CLEC18A: variants seen among roughly 807,000 people sequenced by gnomAD.
CLEC18A encodes the protein mannose receptor-like 1.
A neutral mutation model predicts 24.0 loss-of-function variants in CLEC18A; 5 were observed. That is an observed-to-expected ratio of 0.21 (90% confidence interval 0.11 to 0.44). The LOEUF (loss-of-function observed/expected upper bound fraction) is 0.44. Ranked by LOEUF, CLEC18A falls within the 20% of genes least tolerant of loss-of-function variation. The pLI is 0.99. For synonymous variants in CLEC18A, 29 were observed against 100.1 expected (o/e 0.29, Z 4.24); for missense variants, 83 against 233.4 (o/e 0.36, Z 4.20).
chr16:69,952,614 GTCCACATTT>G (rs1567457987), intron 2 of CLEC18A: 1 of 151,514 alleles, frequency 6.6e-6, no homozygotes, highest in African/African-American at 2.4e-5. Flanking sequence ...TCACTCACTC[GTCCACATTT>G]TCCACATTTT....
downstream of CLEC18A, among the ~76,000 whole-genome samples, chr16:69,966,221 G>A (rs1435164794): frequency 6.7e-6 from 1 of 150,076 alleles, no homozygotes; most frequent in Non-Finnish European, 1.5e-5. Context: ...GGGGAGTGAG[G>A]AAGGGCAGTG....
intron 2 of CLEC18A, chr16:69,953,910 C>T: frequency 3.2e-6 from 1 of 311,782 alleles, no homozygotes; most frequent in Non-Finnish European, 6.2e-6. Context: ...GAGACTAGGG[C>T]AGAGAGGCGT....
At chr16:69,944,708 T>C in the CLEC18A span, among the ~76,000 whole-genome samples, 110,358 of 137,648 alleles carry the variant, frequency 0.8, 44,818 homozygotes, top group East Asian at 0.96. Flanking sequence ...TGGTGGTGGG[T>C]GCCTGTAGTC....
chr16:69,954,408 G>A lies in CLEC18A; in HGVS notation c.291G>A (p.Ala97=), dbSNP rs746619779. 2.8e-5 allele frequency: 45 copies of A among 1,610,332 alleles called. No homozygotes were observed. Among genetic ancestry groups the A allele is most frequent in the Non-Finnish European group, 3.4e-5 (40 of 1,178,620 alleles). ...GTGGAACCCCAACCCCGAGCCTGGC[G>A]TCCGGCCTGTGGCGCACCCTGCAAG... The part of the protein sequence containing the change: ...ALCGTPTPSL[A]SGLWRTLQVG... Residue 97 remains alanine, a synonymous_variant, in exon 3 of 12, where the codon GCG becomes GCA. Coordinates refer to ENST00000288040, the MANE Select transcript of CLEC18A (RefSeq NM_001370523.4).
At chr16:69,955,212 A>ACCATGTT (rs1194930488) in intron 3 of CLEC18A, among the ~76,000 whole-genome samples, 1 of 151,714 alleles carries the variant, frequency 6.6e-6, no homozygotes, top group East Asian at 1.9e-4. Flanking sequence ...CATGTTGGTC[A>ACCATGTT]GGCTGGTCTC....
At chr16:69,953,222 G>A (rs2058979916) in intron 2 of CLEC18A, 1 of 152,416 alleles carries the variant, frequency 6.6e-6, no homozygotes, top group Admixed American at 6.5e-5. Flanking sequence ...CCCCTCTTTG[G>A]ACACAGTGGA....
At chr16:69,964,278 G>A (rs1362802644), downstream of CLEC18A, 3 of 147,810 alleles carry the variant, frequency 2.0e-5, no homozygotes, top group African/African-American at 2.5e-5. Flanking sequence ...CCCACCGGCG[G>A]AGTGTCATCG....
chr16:69,948,497 C>A (rs1323008559), upstream of CLEC18A, among the ~76,000 whole-genome samples: 1 of 151,722 alleles, frequency 6.6e-6, no homozygotes, highest in East Asian at 1.9e-4. Flanking sequence ...CAAATGCAGA[C>A]TGGGAGAAGA....
At position 69,952,293 on chromosome 16, in the gene CLEC18A, G is replaced by T. The variant is rs2058963576; in HGVS notation, c.216+167G>T. On this transcript the variant is annotated intron_variant, in intron 2 of 11. Transcript: ENST00000288040. ...AGGGACGGAGGCCCTGGTTGCTGGG[G>T]GTCTCTGCAATTTCTTAACCCCCCA... 1.4e-5 allele frequency: 4 copies of T among 289,764 alleles called. 1 individual carries two copies. The highest frequency in any genetic ancestry group is 2.1e-5 in the Non-Finnish European group (4 of 187,556). The allele number at this position is 289,764 out of a possible 1,614,324, so 17.9% of individuals were successfully genotyped here. A position where few individuals can be genotyped will look rare whatever the true frequency, so the allele number is the denominator to read the frequency against.
intron 3 of CLEC18A, among the ~76,000 whole-genome samples, chr16:69,955,671 G>A (rs1448410893): frequency 4.8e-5 from 7 of 144,646 alleles, no homozygotes; most frequent in Non-Finnish European, 7.5e-5. Context: ...AATTTAAAAC[G>A]GCCCCACTCT....
upstream of CLEC18A, among the ~76,000 whole-genome samples, chr16:69,948,458 A>C (rs1246647491): frequency 2.0e-5 from 3 of 151,522 alleles, no homozygotes; most frequent in Admixed American, 6.6e-5. Context: ...CTTCAGGAAG[A>C]GATAAAATGA....
chr16:69,954,779 C>T (rs1184251845), intron 3 of CLEC18A, among the ~76,000 whole-genome samples: 1 of 152,010 alleles, frequency 6.6e-6, no homozygotes, highest in Non-Finnish European at 1.5e-5. Flanking sequence ...CTCACTGCAA[C>T]CTCCGCCTCC....
downstream of CLEC18A, among the ~76,000 whole-genome samples, chr16:69,966,413 C>T (rs1456803417): frequency 3.3e-4 from 43 of 131,360 alleles, 5 homozygotes; most frequent in Non-Finnish European, 3.5e-4. Context: ...CCGGCACAAG[C>T]AGTAAAGAAG....
At chr16:69,965,361 C>G (rs1043032929), downstream of CLEC18A, among the ~76,000 whole-genome samples, 1 of 152,058 alleles carries the variant, frequency 6.6e-6, no homozygotes. Context: ...CCCGGGTCAG[C>G]CAGCAGCCGC....
chr16:69,964,149 A>G (rs556341037), downstream of CLEC18A: 86 of 136,022 alleles, frequency 6.3e-4, no homozygotes, highest in Non-Finnish European at 1.1e-3. Flanking sequence ...GGTCTCCCCA[A>G]GAAGAGGAAG....
At chr16:69,955,283 G>A (rs1343361579) in intron 3 of CLEC18A, among the ~76,000 whole-genome samples, 25 of 151,768 alleles carry the variant, frequency 1.6e-4, no homozygotes, top group Admixed American at 3.9e-4. Context: ...GATTACAGGC[G>A]TGAGCCACCA....
At chr16:69,965,008 C>G (rs1293515548), downstream of CLEC18A, among the ~76,000 whole-genome samples, 2 of 151,806 alleles carry the variant, frequency 1.3e-5, no homozygotes, top group African/African-American at 4.9e-5. Context: ...CACCATGTTG[C>G]TCAGGCTGGT....
At chr16:69,955,725 T>C (rs2059025355) in intron 3 of CLEC18A, among the ~76,000 whole-genome samples, 1 of 136,828 alleles carries the variant, frequency 7.3e-6, no homozygotes, top group South Asian at 2.5e-4. Flanking sequence ...ACTAAAGCCC[T>C]GCTCCTCCCC....
intron 2 of CLEC18A, 30 bp downstream of exon 2, chr16:69,952,156 A>AG: frequency 5.8e-6 from 3 of 518,040 alleles, no homozygotes; most frequent in East Asian, 3.4e-5. Flanking sequence ...GGGCTCTGCC[A>AG]GGGGGGTGGC....
Sources: gnomAD v4.1 joint callset for allele counts (sites outside exome capture counted in the v4.1 genomes callset) on GRCh38, gnomAD v4.1.1 for gene constraint, MANE v1.5 for transcripts, NCBI Gene and HGNC (gene_info 2026-07-23, HGNC 2026-07-21) for gene names.